Variants in CACNG3 observed in about 807,000 individuals in gnomAD.
CACNG3 encodes calcium voltage-gated channel auxiliary subunit gamma 3.
CACNG3 carries 3 observed loss-of-function variants against 28.5 expected under a neutral mutation model. The observed-to-expected ratio is 0.11, with a 90% CI of 0.05 to 0.27. The LOEUF (loss-of-function observed/expected upper bound fraction) is 0.27, where lower values mean the gene tolerates loss of function less well. Ranked by LOEUF, CACNG3 falls within the 10% of genes least tolerant of loss-of-function variation. CACNG3 has a pLI of 1.00. For missense variants in CACNG3, 236 were observed against 414.4 expected, an observed-to-expected ratio of 0.57 and a Z score of 3.74; for synonymous variants, 174 against 162.2, an observed-to-expected ratio of 1.07 and a Z score of -0.55.
chr16:24,340,137 G>A (rs982326694), intron 1 of CACNG3, among the ~76,000 whole-genome samples: 1 of 152,112 alleles, frequency 6.6e-6, no homozygotes, highest in Non-Finnish European at 1.5e-5. Context: ...TGGTTGTGGT[G>A]GTGCACACCT....
At chr16:24,345,649 G>A (rs533048892) in intron 1 of CACNG3, among the ~76,000 whole-genome samples, 50 of 152,320 alleles carry the variant, frequency 3.3e-4, no homozygotes, top group African/African-American at 1.2e-3. Flanking sequence ...GCAGTGAGCC[G>A]AGATCGTGCC....
intron 1 of CACNG3, among the ~76,000 whole-genome samples, chr16:24,281,871 A>G (rs1422270843): frequency 6.6e-6 from 1 of 152,232 alleles, no homozygotes; most frequent in Non-Finnish European, 1.5e-5. Context: ...AGCAAGATTA[A>G]CTAACTTGCC....
At chr16:24,319,573 G>A (rs868024698) in intron 1 of CACNG3, among the ~76,000 whole-genome samples, 4 of 151,546 alleles carry the variant, frequency 2.6e-5, no homozygotes, top group South Asian at 4.2e-4. Flanking sequence ...AGGGACAATA[G>A]GCATGTGCCA....
chr16:24,302,780 T>C (rs1355099431), intron 1 of CACNG3, among the ~76,000 whole-genome samples: 1 of 151,986 alleles, frequency 6.6e-6, no homozygotes, highest in African/African-American at 2.4e-5. Flanking sequence ...GTGCCTCAGC[T>C]GCCCAAGTAG....
chr16:24,351,780 T>C (rs1386763890), intron 2 of CACNG3, among the ~76,000 whole-genome samples: 1 of 134,424 alleles, frequency 7.4e-6, no homozygotes, highest in South Asian at 2.5e-4. Flanking sequence ...AAAGAAAGAT[T>C]GGGCAGTTTC....
At chr16:24,292,333 G>T (rs1351032129) in intron 1 of CACNG3, among the ~76,000 whole-genome samples, 2 of 152,120 alleles carry the variant, frequency 1.3e-5, no homozygotes, top group Non-Finnish European at 2.9e-5. Flanking sequence ...CTTCCCCAAG[G>T]GCCTCTTTAG....
intron 1 of CACNG3, among the ~76,000 whole-genome samples, chr16:24,327,036 C>T (rs143982651): frequency 1.2e-3 from 155 of 132,362 alleles, no homozygotes; most frequent in African/African-American, 4.3e-3. Context: ...AAGGAGGTGG[C>T]GGTAAATGTG....
chr16:24,314,060 G>A (rs376438973), intron 1 of CACNG3, among the ~76,000 whole-genome samples: 3 of 152,000 alleles, frequency 2.0e-5, no homozygotes, highest in African/African-American at 7.2e-5. Context: ...TTTTAAAAAC[G>A]TTTACTTTTC....
intron 1 of CACNG3, among the ~76,000 whole-genome samples, chr16:24,299,999 G>A (rs968691705): frequency 6.6e-6 from 1 of 152,038 alleles, no homozygotes; most frequent in Non-Finnish European, 1.5e-5. Flanking sequence ...CATTTCTTAT[G>A]TTGTATGAGG....
chr16:24,319,072 C>T (rs1899423317), intron 1 of CACNG3, among the ~76,000 whole-genome samples: 1 of 152,156 alleles, frequency 6.6e-6, no homozygotes. Flanking sequence ...ACTCACTTTC[C>T]ATTTACAGTT....
At chr16:24,309,430 C>A (rs1899230422) in intron 1 of CACNG3, among the ~76,000 whole-genome samples, 2 of 152,192 alleles carry the variant, frequency 1.3e-5, no homozygotes, top group Non-Finnish European at 2.9e-5. Flanking sequence ...ATGAGCCACA[C>A]AATGTTTCCA....
At chr16:24,319,433 G>T (rs1450583688) in intron 1 of CACNG3, among the ~76,000 whole-genome samples, 2 of 152,102 alleles carry the variant, frequency 1.3e-5, no homozygotes, top group African/African-American at 2.4e-5. Flanking sequence ...GTGTGTGTAA[G>T]GTTGCAATGG....
chr16:24,359,719 T>G (rs1265492632), intron 3 of CACNG3, among the ~76,000 whole-genome samples: 1 of 151,930 alleles, frequency 6.6e-6, no homozygotes, highest in Non-Finnish European at 1.5e-5. Context: ...TTAACTTAGC[T>G]GTGCTTGGTA....
chr16:24,318,689 C>T (rs1301891034), intron 1 of CACNG3, among the ~76,000 whole-genome samples: 1 of 152,102 alleles, frequency 6.6e-6, no homozygotes, highest in Non-Finnish European at 1.5e-5. Flanking sequence ...CCTCCTGTTG[C>T]AGGTGGGGTC....
At chr16:24,300,547 C>T (rs891746435) in intron 1 of CACNG3, among the ~76,000 whole-genome samples, 3 of 151,464 alleles carry the variant, frequency 2.0e-5, no homozygotes, top group African/African-American at 7.3e-5. Flanking sequence ...AACCAAAATA[C>T]ATCCTCTGGC....
chr16:24,318,076 A>G (rs2141368694), intron 1 of CACNG3, among the ~76,000 whole-genome samples: 1 of 152,236 alleles, frequency 6.6e-6, no homozygotes, highest in East Asian at 1.9e-4. Flanking sequence ...TTTCCTTCAT[A>G]TGATCCTTCT....
intron 2 of CACNG3, among the ~76,000 whole-genome samples, chr16:24,350,550 C>G (rs140411115): frequency 4.6e-5 from 7 of 152,264 alleles, no homozygotes; most frequent in Non-Finnish European, 8.8e-5. Flanking sequence ...AATCCACCTG[C>G]CTTTGCCTCC....
At chr16:24,268,874 G>A (rs1049975328) in intron 1 of CACNG3, among the ~76,000 whole-genome samples, 2 of 152,176 alleles carry the variant, frequency 1.3e-5, no homozygotes, top group South Asian at 4.1e-4. Context: ...TAAACTCTGC[G>A]TCAGGCACGA....
intron 1 of CACNG3, among the ~76,000 whole-genome samples, chr16:24,261,695 A>ATC (rs1350672213): frequency 2.6e-5 from 4 of 152,208 alleles, no homozygotes; most frequent in African/African-American, 7.2e-5. Flanking sequence ...CTTATTTAGG[A>ATC]TTTTAAAACA....
Sources: gnomAD v4.1 joint callset for allele counts (sites outside exome capture counted in the v4.1 genomes callset) on GRCh38, gnomAD v4.1.1 for gene constraint, MANE v1.5 for transcripts, NCBI Gene and HGNC (gene_info 2026-07-23, HGNC 2026-07-21) for gene names.